The following FRAS1 variants were observed in gnomAD, a reference collection of about 807,000 sequenced individuals.
The protein encoded by FRAS1 is Fraser extracellular matrix complex subunit 1, also known as extracellular matrix organizing protein FRAS1.
FRAS1 carries 290 observed loss-of-function variants against 435.2 expected under a neutral mutation model. That is an observed-to-expected ratio of 0.67 (90% CI 0.61 to 0.73). FRAS1 has a LOEUF of 0.73. Ranked by LOEUF, FRAS1 falls within the 30% of genes least tolerant of loss-of-function variation. The pLI is 0.00. For missense variants in FRAS1, 4,860 were observed against 5,001.5 expected (o/e 0.97, Z 0.85); for synonymous variants, 1,800 against 1,851.0 (o/e 0.97, Z 0.71).
In FRAS1 at chr4:78,238,017, G is replaced by A. The variant is rs1264351871; in HGVS notation, c.216+400G>A. 2.0e-5 allele frequency among the ~76,000 whole-genome samples: 3 copies of A among 152,122 alleles called. No individual in the cohort carries two copies. In the East Asian group the frequency reaches 5.8e-4, roughly 29 times the overall value. On this transcript the variant is annotated intron_variant, in intron 3 of 73. Transcript: ENST00000512123. ...CTGCTGCCCAGAGATTTTACCTGAA[G>A]TCTGACTGATGCCAAAGCTACTGAC...
In FRAS1 at chr4:78,329,913, GTAGTAAATT is replaced by G. The variant is rs1463979779; in HGVS notation, c.2138-3357_2138-3349del. Among the ~76,000 whole-genome samples the G allele has an allele frequency of 6.6e-5, 10 of 152,296 alleles. No individual in the cohort carries two copies. In the East Asian group the frequency reaches 1.9e-3, roughly 29 times the overall value. ...GATTAAGTCTATTGGGGGCTCCACT[GTAGTAAATT>G]TTGGAATTATGTTTCTCTGTTTAAT... On this transcript the variant is annotated intron_variant, in intron 18 of 73. Coordinates refer to ENST00000512123, the MANE Select transcript of FRAS1 (RefSeq NM_025074.7).
chr4:78,439,348 ATAT>A (rs772150440), intron 40 of FRAS1, among the ~76,000 whole-genome samples: 64 of 152,214 alleles, frequency 4.2e-4, no homozygotes, highest in Admixed American at 1.0e-3. Context: ...AAATAGAAAA[ATAT>A]TATATCTTTG....
At chr4:78,192,913 A>G (rs1378504971) in intron 2 of FRAS1, among the ~76,000 whole-genome samples, 3 of 152,102 alleles carry the variant, frequency 2.0e-5, no homozygotes, top group African/African-American at 7.2e-5. Context: ...GGCATTTGGT[A>G]CTATAAATTT....
At chr4:78,341,126 T>C (rs537197884) in intron 20 of FRAS1, among the ~76,000 whole-genome samples, 41 of 151,814 alleles carry the variant, frequency 2.7e-4, no homozygotes, top group Non-Finnish European at 8.8e-5. Context: ...TATGTGAGTG[T>C]GTGGAGTGGG....
chr4:78,440,088 T>C (rs1440427316), intron 40 of FRAS1, among the ~76,000 whole-genome samples: 13 of 146,434 alleles, frequency 8.9e-5, no homozygotes, highest in African/African-American at 2.6e-4. Flanking sequence ...CGGACTGCAG[T>C]GGCGCAATCT....
At chr4:78,286,591 C>T in intron 14 of FRAS1, 52 bp downstream of exon 14, 1 of 1,582,940 alleles carries the variant, frequency 6.3e-7, no homozygotes, top group Non-Finnish European at 8.6e-7. Context: ...AGCTCCCCAA[C>T]CCTGACCCCA....
intron 2 of FRAS1, among the ~76,000 whole-genome samples, chr4:78,177,078 G>A (rs1721805164): frequency 6.9e-6 from 1 of 145,610 alleles, no homozygotes; most frequent in African/African-American, 2.5e-5. Context: ...GAGAGAGAGA[G>A]TGATGTGAGT....
At chr4:78,519,947 T>A (rs1392373675) in intron 67 of FRAS1, among the ~76,000 whole-genome samples, 1 of 152,212 alleles carries the variant, frequency 6.6e-6, no homozygotes, top group Non-Finnish European at 1.5e-5. Flanking sequence ...GTCTGCTCTT[T>A]AATTGCATCC....
intron 2 of FRAS1, among the ~76,000 whole-genome samples, chr4:78,094,776 T>C (rs1481370680): frequency 6.6e-6 from 1 of 152,206 alleles, no homozygotes; most frequent in Non-Finnish European, 1.5e-5. Context: ...TAGTACTTTA[T>C]ACCTTAGAGC....
intron 63 of FRAS1, among the ~76,000 whole-genome samples, chr4:78,510,537 G>C (rs1027448): frequency 0.18 from 27,495 of 152,122 alleles, 2,555 homozygotes; most frequent in Middle Eastern, 0.23. Context: ...TGATTGCTTT[G>C]TGAGAGGTCT....
intron 14 of FRAS1, among the ~76,000 whole-genome samples, chr4:78,294,118 C>G (rs1420888500): frequency 1.3e-5 from 2 of 152,172 alleles, no homozygotes; most frequent in Admixed American, 6.5e-5. Flanking sequence ...CTTCTCCATT[C>G]CCCACCCAAG....
intron 31 of FRAS1, among the ~76,000 whole-genome samples, chr4:78,410,656 C>T (rs1359244537): frequency 2.6e-5 from 4 of 152,182 alleles, no homozygotes; most frequent in Admixed American, 6.5e-5. Context: ...AAAAATATAG[C>T]TAAATAGTCA....
At chr4:78,115,853 A>G (rs964218544) in intron 2 of FRAS1, among the ~76,000 whole-genome samples, 1 of 149,702 alleles carries the variant, frequency 6.7e-6, no homozygotes, top group Non-Finnish European at 1.5e-5. Context: ...GATCTTAGTT[A>G]TTTTTTGCCT....
chr4:78,442,037 T>C (rs1734678318), intron 41 of FRAS1, among the ~76,000 whole-genome samples: 1 of 152,208 alleles, frequency 6.6e-6, no homozygotes, highest in South Asian at 2.1e-4. Context: ...AGCACTGGGC[T>C]CTAATTGGTG....
chr4:78,308,999 A>G (rs910301181), intron 15 of FRAS1, among the ~76,000 whole-genome samples: 5 of 152,228 alleles, frequency 3.3e-5, no homozygotes, highest in African/African-American at 1.2e-4. Context: ...TGAGGATATT[A>G]TCCTGGATTA....
intron 20 of FRAS1, among the ~76,000 whole-genome samples, chr4:78,347,554 G>T (rs1730651937): frequency 6.6e-6 from 1 of 152,134 alleles, no homozygotes; most frequent in Admixed American, 6.5e-5. Flanking sequence ...CAGCCATGCT[G>T]GTTCTCTTCC....
intron 2 of FRAS1, among the ~76,000 whole-genome samples, chr4:78,189,448 A>G (rs1722432352): frequency 1.3e-5 from 2 of 152,194 alleles, no homozygotes; most frequent in South Asian, 4.1e-4. Flanking sequence ...TGTTCTTGGA[A>G]TACTGAGGCT....
chr4:78,470,698 G>A (rs897561168), intron 51 of FRAS1, among the ~76,000 whole-genome samples: 1 of 152,158 alleles, frequency 6.6e-6, no homozygotes, highest in East Asian at 1.9e-4. Context: ...AAAGTGTATA[G>A]GTTATATGCA....
At chr4:78,065,081 T>TAC (rs754079583) in intron 1 of FRAS1, among the ~76,000 whole-genome samples, 4 of 125,696 alleles carry the variant, frequency 3.2e-5, no homozygotes, top group East Asian at 2.3e-4. Flanking sequence ...TATATATATA[T>TAC]ATACATACAC....
Sources: allele counts gnomAD v4.1 joint callset (sites outside exome capture counted in the v4.1 genomes callset), GRCh38; gene constraint gnomAD v4.1.1; transcripts MANE v1.5; gene names NCBI Gene and HGNC (gene_info 2026-07-23, HGNC 2026-07-21).